The following WSCD1 variants were observed in gnomAD, a reference collection of about 807,000 sequenced individuals.
WSCD1 encodes sialate:O-sulfotransferase 1.
Under a neutral mutation model 60.4 loss-of-function variants are expected in WSCD1, and 41 were observed. The ratio of observed to expected loss-of-function variants is 0.68; its 90% CI spans 0.53 to 0.88. The LOEUF is 0.88. Among genes scored for constraint, WSCD1 ranks in the 40% least tolerant of loss-of-function variants. The probability of loss-of-function intolerance (pLI) is 0.00; values close to 1 mark genes in which losing one functional copy is unlikely to be tolerated. For missense variants in WSCD1, 784 were observed against 796.2 expected (o/e 0.98, Z 0.18); for synonymous variants, 361 against 332.5 (o/e 1.09, Z -0.93).
chr17:6,120,370 C>T lies in WSCD1; in HGVS notation c.1437C>T (p.Leu479=), dbSNP rs1258559419. 1.9e-6 allele frequency: 3 copies of T among 1,614,138 alleles called. No individual in the cohort carries two copies. Among genetic ancestry groups the T allele is most frequent in the South Asian group, 1.1e-5 (1 of 91,084 alleles). The change falls in exon 9 of 9, where the codon CTC becomes CTT. Residue 479 remains leucine (L), a synonymous_variant. Coordinates refer to ENST00000317744, the MANE Select transcript of WSCD1 (RefSeq NM_015253.2). ...SWWSSHVLDW[L]KYGKRLLVVH... is the part of the protein sequence containing the mutation. Reference sequence around the variant, plus strand: ...GGTCCTCGCACGTCCTGGACTGGCTCAAGTACGGGAAGCGGCTGCTGGTGG... The same window carrying T: ...GGTCCTCGCACGTCCTGGACTGGCTTAAGTACGGGAAGCGGCTGCTGGTGG...
chr17:6,075,947 T>A lies in WSCD1; in HGVS notation c.-288-4424T>A, dbSNP rs539673169. Among the ~76,000 whole-genome samples the A allele has an allele frequency of 8.5e-4, 128 of 150,318 alleles. No individual in the cohort carries two copies. The highest frequency in any genetic ancestry group is 2.7e-3 in the African/African-American group (109 of 39,842). ...GAACACTCACGGACAAGGCACTGTC[T>A]GGAAGGCTTGGCTGGGGAGACACCA... On this transcript the variant is annotated intron_variant, in intron 1 of 8. Coordinates refer to ENST00000317744, the MANE Select transcript of WSCD1 (RefSeq NM_015253.2). The surrounding 1 kb of genome is among the most constrained non-coding windows in gnomAD (Gnocchi z 4.1).
In WSCD1 at chr17:6,081,001, C is replaced by A; in HGVS notation, c.343C>A (p.Arg115Ser). 6.5e-7 allele frequency: 1 copy of A among 1,545,452 alleles called. No individual in the cohort carries two copies. Among genetic ancestry groups the A allele is most frequent in the Non-Finnish European group, 8.7e-7 (1 of 1,147,320 alleles). The change falls in exon 2 of 9, where the codon CGC (arginine) becomes AGC (serine). Residue 115 changes from arginine to serine, a missense_variant. By Grantham distance (110) the Arg-to-Ser change is moderately radical. Coordinates refer to ENST00000317744, the MANE Select transcript of WSCD1 (RefSeq NM_015253.2). ...CTCGGAGCTGCGTCAGTTGCGTCGC[C>A]GCTGGTTCCACCACTTCATGAGTGA... ...RNSELRQLRR[R>S]WFHHFMSDSQ... is the part of the protein sequence containing the mutation.
intron 5 of WSCD1, among the ~76,000 whole-genome samples, chr17:6,109,362 C>A (rs900839615): frequency 6.6e-6 from 1 of 152,168 alleles, no homozygotes; most frequent in Non-Finnish European, 1.5e-5. Context: ...AAGGAACCAA[C>A]CAAGTAGGGC....
chr17:6,119,083 C>G (rs186663644), intron 8 of WSCD1, among the ~76,000 whole-genome samples: 1 of 152,294 alleles, frequency 6.6e-6, no homozygotes, highest in Non-Finnish European at 1.5e-5. Context: ...GGCACTAATT[C>G]CATCACAAGG....
At chr17:6,071,928 C>T (rs1908570267) in intron 1 of WSCD1, among the ~76,000 whole-genome samples, 1 of 152,180 alleles carries the variant, frequency 6.6e-6, no homozygotes, top group Non-Finnish European at 1.5e-5. Context: ...CTCAGGGTTT[C>T]TAGGAGGAAG....
upstream of WSCD1, chr17:6,069,305 T>C (rs1908368455): frequency 7.5e-6 from 3 of 398,332 alleles, no homozygotes; most frequent in African/African-American, 2.1e-5. Context: ...CTGGGAAAAA[T>C]CTTTAGGTTT....
chr17:6,107,316 C>A (rs1035252758), intron 5 of WSCD1, among the ~76,000 whole-genome samples: 2 of 152,066 alleles, frequency 1.3e-5, no homozygotes, highest in African/African-American at 4.8e-5. Context: ...GACTGGCCAA[C>A]GTGGTGAAAC....
chr17:6,071,043 C>G (rs115496236), intron 1 of WSCD1: 1 of 152,154 alleles, frequency 6.6e-6, no homozygotes, highest in African/African-American at 2.4e-5. Context: ...GCACAGCTTC[C>G]CTCCTAGGCG....
chr17:6,098,156 T>TGG (rs59928392), intron 5 of WSCD1, among the ~76,000 whole-genome samples: 13,988 of 110,846 alleles, frequency 0.13, 1,580 homozygotes, highest in African/African-American at 0.29. Flanking sequence ...GGGGGCGGGG[T>TGG]GGGGGGGGTC....
Position 6,080,874 on chromosome 17 carries a change from G to A in WSCD1, c.216G>A (p.Leu72=), listed in dbSNP as rs138854070. Residue 72 remains leucine (L), a synonymous_variant, in exon 2 of 9, where the codon CTG becomes CTA. Transcript: ENST00000317744. This position sits in a 1 kb window ranked among gnomAD's most constrained non-coding sequence, Gnocchi z 6.6. ...TGGGCTTGCTGGACAGCAGAGCCCT[G>A]CACGACCCTCGAGTCAGCCCAGAGC... The part of the protein sequence containing the change: ...LGVGLLDSRA[L]HDPRVSPELL... 4 of 1,604,504 alleles carry A rather than the reference G, an allele frequency of 2.5e-6. No individual in the cohort carries two copies. The highest frequency in any genetic ancestry group is 3.4e-6 in the Non-Finnish European group (4 of 1,178,330).
At chr17:6,090,158 T>G (rs569127386) in intron 3 of WSCD1, among the ~76,000 whole-genome samples, 163 bp from the exon 4 acceptor site, 1 of 152,282 alleles carries the variant, frequency 6.6e-6, no homozygotes, top group South Asian at 2.1e-4. Flanking sequence ...GTAACTAACC[T>G]GCACGTTGTG....
rs1328635879 is a variant in WSCD1 at position 6,088,095 on chromosome 17, G to A, written c.533G>A (p.Cys178Tyr). 12 of 1,614,016 alleles carry A rather than the reference G, an allele frequency of 7.4e-6. No homozygotes were observed. Among genetic ancestry groups the A allele is most frequent in the Non-Finnish European group, 1.0e-5 (12 of 1,179,988 alleles). ...ACTGTCTCCCACTGCCAGGATGCGT[G>A]TGCTGAGCGGTGAGTGCTGGGGCCC... ...KMTVSHCQDA[C>Y]AERSYVYAGL... is the part of the protein sequence containing the mutation. The change falls in exon 3 of 9, where the codon TGT becomes TAT. Residue 178 changes from cysteine (C) to tyrosine (Y), a missense_variant. By Grantham distance (194) the Cys-to-Tyr change is radical. Transcript: ENST00000317744.
intron 4 of WSCD1, among the ~76,000 whole-genome samples, chr17:6,092,542 G>A (rs1910127216): frequency 6.6e-6 from 1 of 152,172 alleles, no homozygotes; most frequent in Non-Finnish European, 1.5e-5. Flanking sequence ...TGACCTCATA[G>A]AGGGGTTTGC....
At chr17:6,079,161 T>G (rs1192492234) in intron 1 of WSCD1, among the ~76,000 whole-genome samples, 1 of 152,146 alleles carries the variant, frequency 6.6e-6, no homozygotes, top group African/African-American at 2.4e-5. Context: ...CCTCCAAGCT[T>G]TCTGGGGGCC....
intron 6 of WSCD1, among the ~76,000 whole-genome samples, chr17:6,109,999 A>C (rs1339021914): frequency 1.3e-5 from 2 of 152,176 alleles, no homozygotes; most frequent in Admixed American, 1.3e-4. Context: ...CCCTTTATCT[A>C]AGTCTCTCTG....
intron 7 of WSCD1, among the ~76,000 whole-genome samples, chr17:6,111,195 G>C (rs1911389663): frequency 6.6e-6 from 1 of 152,106 alleles, no homozygotes; most frequent in Non-Finnish European, 1.5e-5. Flanking sequence ...GGCACTTGCA[G>C]ACACCACTGA....
chr17:6,119,126 C>T (rs778104132), intron 8 of WSCD1, among the ~76,000 whole-genome samples: 12 of 152,198 alleles, frequency 7.9e-5, no homozygotes, highest in South Asian at 2.1e-4. Context: ...TGACTCTAAT[C>T]GCCTCCCAAA....
intron 5 of WSCD1, among the ~76,000 whole-genome samples, chr17:6,102,343 T>C (rs546774085): frequency 5.3e-5 from 8 of 152,362 alleles, no homozygotes; most frequent in African/African-American, 1.4e-4. Context: ...CCCAAGTTCA[T>C]GTCTTTGCCA....
intron 5 of WSCD1, among the ~76,000 whole-genome samples, chr17:6,104,481 G>T (rs1157282024): frequency 1.3e-5 from 2 of 152,198 alleles, no homozygotes; most frequent in African/African-American, 4.8e-5. Context: ...GACAAGCTTT[G>T]TGTTGGTTCC....
Sources: gnomAD v4.1 joint callset for allele counts (sites outside exome capture counted in the v4.1 genomes callset) on GRCh38, gnomAD v4.1.1 for gene constraint, Gnocchi (gnomAD v3.1) non-coding constraint, MANE v1.5 for transcripts, NCBI Gene and HGNC (gene_info 2026-07-23, HGNC 2026-07-21) for gene names.